U2AF2: variants seen among roughly 807,000 people sequenced by gnomAD.
U2AF2 encodes splicing factor U2AF 65 kDa subunit.
A neutral mutation model predicts 52.6 loss-of-function variants in U2AF2; 6 were observed. That is an observed-to-expected ratio of 0.11 (90% CI 0.06 to 0.23). U2AF2 has a LOEUF of 0.23. U2AF2 is among the 10% of genes least tolerant of loss of function. The pLI is 1.00. For missense variants in U2AF2, 222 were observed against 677.1 expected (o/e 0.33, Z 7.46); for synonymous variants, 284 against 258.2 (o/e 1.10, Z -0.96).
intron 6 of U2AF2, 84 bp from the exon 7 acceptor site, chr19:55,663,522 A>G: frequency 3.3e-6 from 5 of 1,534,950 alleles, no homozygotes; most frequent in Non-Finnish European, 4.4e-6. Flanking sequence ...AGTGAAAGGA[A>G]AGAGGAAATC....
At chr19:55,672,938 C>T (rs538008643) in intron 11 of U2AF2, among the ~76,000 whole-genome samples, 156 of 151,630 alleles carry the variant, frequency 1.0e-3, no homozygotes, top group Non-Finnish European at 1.9e-3. Flanking sequence ...CCACCGCGCC[C>T]GGCCAATAAT....
chr19:55,659,919 C>T (rs922414365), intron 2 of U2AF2, among the ~76,000 whole-genome samples: 2 of 152,170 alleles, frequency 1.3e-5, no homozygotes, highest in Non-Finnish European at 2.9e-5. Flanking sequence ...AGTCCTCCTG[C>T]CTCCTCCCGG....
chr19:55,663,584 C>T (rs1568551597), intron 6 of U2AF2, 22 bp from the exon 7 acceptor site: 4 of 1,610,434 alleles, frequency 2.5e-6, no homozygotes, highest in Non-Finnish European at 3.4e-6. Flanking sequence ...CATCCCTCAC[C>T]ACTCCTTTCT....
intron 3 of U2AF2, 62 bp downstream of exon 3, chr19:55,660,283 G>C: frequency 6.4e-7 from 1 of 1,565,600 alleles, no homozygotes. Flanking sequence ...CCTCACGCCC[G>C]TGCACCCTGT....
intron 1 of U2AF2, among the ~76,000 whole-genome samples, chr19:55,657,842 T>C (rs3786650): frequency 0.12 from 18,059 of 152,240 alleles, 1,273 homozygotes; most frequent in Middle Eastern, 0.23. Flanking sequence ...TTGACCTTGG[T>C]AATTGTGATC....
In U2AF2 at chr19:55,674,264, A is replaced by G; in HGVS notation, c.*196A>G. On this transcript the variant is annotated 3_prime_UTR_variant, in exon 12 of 12. Transcript: ENST00000308924. ...GTTGGGGGGTTAGGGCAGGGAGGGG[A>G]CTGGGGAAGTGCGCACACAGCCCAC... The G allele has an allele frequency of 1.8e-6, 1 of 541,914 alleles. No individual in the cohort carries two copies. Among genetic ancestry groups the G allele is most frequent in the Non-Finnish European group, 3.2e-6 (1 of 307,718 alleles). The allele number at this position is 541,914 out of a possible 1,614,324, so 33.6% of individuals were successfully genotyped here.
At chr19:55,669,813 CCT>C (rs372371862) in intron 11 of U2AF2, 121 bp downstream of exon 11, 100 of 1,385,730 alleles carry the variant, frequency 7.2e-5, no homozygotes, top group African/African-American at 8.7e-5. Context: ...GCTCTTTCTT[CCT>C]CTCTCTCTCC....
At chr19:55,664,367 C>G (rs1361238344) in intron 7 of U2AF2, among the ~76,000 whole-genome samples, 1 of 152,236 alleles carries the variant, frequency 6.6e-6, no homozygotes, top group Non-Finnish European at 1.5e-5. Context: ...TGAGGTTGGG[C>G]TTTCCTGTGC....
chr19:55,662,369 T>TC (rs376533155), intron 5 of U2AF2, 133 bp from the exon 6 acceptor site: 2 of 141,398 alleles, frequency 1.4e-5, no homozygotes, highest in African/African-American at 3.5e-5. Flanking sequence ...CACTGTTCCT[T>TC]CCCCCCCTCC....
At chr19:55,670,001 C>A (rs559173984) in intron 11 of U2AF2, among the ~76,000 whole-genome samples, 1 of 152,212 alleles carries the variant, frequency 6.6e-6, no homozygotes, top group South Asian at 2.1e-4. Flanking sequence ...GCCCTGCTCC[C>A]CCTTATATGG....
chr19:55,663,565 C>A (rs753434277), intron 6 of U2AF2, 41 bp from the exon 7 acceptor site: 1 of 1,604,330 alleles, frequency 6.2e-7, no homozygotes, highest in Non-Finnish European at 8.5e-7. Flanking sequence ...TGTACTAGTC[C>A]CTGACCCCCA....
chr19:55,670,828 T>C (rs1379170440), intron 11 of U2AF2: 1 of 164,854 alleles, frequency 6.1e-6, no homozygotes, highest in African/African-American at 2.4e-5. Flanking sequence ...AGGTTGGGGG[T>C]GGGTGCGGAG....
In U2AF2 at chr19:55,660,942, C is replaced by T. The variant is rs539972149; in HGVS notation, c.335-96C>T. 1.0e-5 allele frequency: 15 copies of T among 1,486,628 alleles called. No individual in the cohort carries two copies. In the African/African-American group the frequency reaches 1.7e-4, roughly 17 times the overall value. 92.1% of individuals were successfully genotyped at this position (1,486,628 alleles called of 1,614,324 possible). ...TGCTAAGACCGAGAGCCTGTAGGAG[C>T]TTTCTGCTGAGGAGGGGAACTCCCA... On this transcript the variant is annotated intron_variant, in intron 4 of 11. Coordinates refer to ENST00000308924, the MANE Select transcript of U2AF2 (RefSeq NM_007279.3).
At chr19:55,655,307 C>T (rs1003096583) in intron 1 of U2AF2, among the ~76,000 whole-genome samples, 154 bp downstream of exon 1, 6 of 152,090 alleles carry the variant, frequency 3.9e-5, no homozygotes, top group Admixed American at 6.5e-5. Context: ...CACGTGACGT[C>T]CCCAGCGTTC....
intron 11 of U2AF2, chr19:55,670,731 C>T (rs1040689506): frequency 2.7e-5 from 5 of 187,636 alleles, no homozygotes; most frequent in Non-Finnish European, 4.5e-5. Context: ...GGAACGACCG[C>T]TTATTTTGAG....
Position 55,660,427 on chromosome 19 carries a change from G to A in U2AF2, c.231-89G>A. On this transcript the variant is annotated intron_variant, in intron 3 of 11. Coordinates refer to ENST00000308924, the MANE Select transcript of U2AF2 (RefSeq NM_007279.3). The stretch of plus-strand genomic sequence containing the variant: ...TGGAGCTTACATGGTTGCGGGGAGG[G>A]TGAAAGGGTGCCTGGGAGGGGGCTC... The A allele has an allele frequency of 4.3e-6, 5 of 1,168,704 alleles. No individual in the cohort carries two copies. In the South Asian group the frequency reaches 7.0e-5, roughly 16 times the overall value. 72.4% of individuals were successfully genotyped at this position (1,168,704 alleles called of 1,614,324 possible).
At chr19:55,669,810 C>A (rs1568554832) in intron 11 of U2AF2, 118 bp downstream of exon 11, 6 of 1,396,192 alleles carry the variant, frequency 4.3e-6, no homozygotes, top group African/African-American at 1.5e-5. Flanking sequence ...CGCGCTCTTT[C>A]TTCCTCTCTC....
intron 11 of U2AF2, among the ~76,000 whole-genome samples, chr19:55,672,792 C>T (rs1985003530): frequency 6.6e-6 from 1 of 150,376 alleles, no homozygotes; most frequent in Non-Finnish European, 1.5e-5. Context: ...AGTGTGCCCG[C>T]CACCACACCT....
intron 7 of U2AF2, among the ~76,000 whole-genome samples, chr19:55,666,571 C>T (rs570406909): frequency 3.0e-3 from 458 of 152,370 alleles, no homozygotes; most frequent in Admixed American, 7.0e-3. Context: ...CGTGCCTGTT[C>T]TCACGTCCTC....
Sources: gnomAD v4.1 joint callset for allele counts (sites outside exome capture counted in the v4.1 genomes callset) on GRCh38, gnomAD v4.1.1 for gene constraint, MANE v1.5 for transcripts, NCBI Gene and HGNC (gene_info 2026-07-23, HGNC 2026-07-21) for gene names.